UNC13C: variants seen among roughly 807,000 people sequenced by gnomAD.
UNC13C encodes the protein protein unc-13 homolog C.
A neutral mutation model predicts 245.4 loss-of-function variants in UNC13C; 174 were observed. The observed-to-expected ratio is 0.71, with a 90% confidence interval of 0.63 to 0.80. The LOEUF (loss-of-function observed/expected upper bound fraction) is 0.80, where lower values mean the gene tolerates loss of function less well. Ranked by LOEUF, UNC13C falls within the 30% of genes least tolerant of loss-of-function variation. The pLI, the probability that UNC13C is intolerant of heterozygous loss-of-function variation, is 0.00. For missense variants in UNC13C, 2,829 were observed against 2,602.9 expected (o/e 1.09, Z -1.89); for synonymous variants, 992 against 895.1 (o/e 1.11, Z -1.93).
At chr15:54,320,161 G>A (rs1004179546) in intron 13 of UNC13C, among the ~76,000 whole-genome samples, 3 of 151,956 alleles carry the variant, frequency 2.0e-5, no homozygotes, top group African/African-American at 7.2e-5. Context: ...ATTGAGAGGA[G>A]GGTGTCTTGC....
chr15:54,194,092 A>G (rs1311557534), intron 4 of UNC13C, among the ~76,000 whole-genome samples: 1 of 152,134 alleles, frequency 6.6e-6, no homozygotes, highest in Non-Finnish European at 1.5e-5. Context: ...TTCATACAGG[A>G]TGTGGACCTC....
chr15:53,898,177 A>G, the UNC13C span, among the ~76,000 whole-genome samples: 1 of 147,018 alleles, frequency 6.8e-6, no homozygotes, highest in Non-Finnish European at 1.5e-5. Flanking sequence ...CCTTTTATAC[A>G]GAGATAATGA....
chr15:54,092,781 T>A (rs745618813), intron 2 of UNC13C, among the ~76,000 whole-genome samples: 1 of 152,338 alleles, frequency 6.6e-6, no homozygotes, highest in Non-Finnish European at 1.5e-5. Flanking sequence ...ATAGGGAGAA[T>A]AATTCCCTAT....
chr15:54,160,742 CAT>C (rs1281585548), intron 4 of UNC13C, among the ~76,000 whole-genome samples: 4 of 152,072 alleles, frequency 2.6e-5, no homozygotes, highest in African/African-American at 7.2e-5. Flanking sequence ...AATGAATTGA[CAT>C]GTGAACATTT....
At chr15:54,601,215 A>C (rs1001464888) in intron 30 of UNC13C, among the ~76,000 whole-genome samples, 1 of 152,218 alleles carries the variant, frequency 6.6e-6, no homozygotes, top group African/African-American at 2.4e-5. Flanking sequence ...CTAAATAAGC[A>C]ACAAACATGT....
chr15:54,043,262 G>A (rs921862602), intron 2 of UNC13C, among the ~76,000 whole-genome samples: 1 of 152,172 alleles, frequency 6.6e-6, no homozygotes, highest in Non-Finnish European at 1.5e-5. Flanking sequence ...TTCATCAGGA[G>A]ATCACTATGC....
rs138507655 is a variant in UNC13C at position 54,245,210 on chromosome 15, T to C, written c.3229-5015T>C. Reference sequence around the variant, plus strand: ...CACTCTCATCACTTGTATACATTTTTATTGAAAGTTTGAATTGGGAAAAAA... The same window carrying C: ...CACTCTCATCACTTGTATACATTTTCATTGAAAGTTTGAATTGGGAAAAAA... On this transcript the variant is annotated intron_variant, in intron 7 of 32. Coordinates refer to ENST00000260323, the MANE Select transcript of UNC13C (RefSeq NM_001080534.3). 4.8e-3 allele frequency among the ~76,000 whole-genome samples: 725 copies of C among 152,322 alleles called. 1 individual carries two copies. The highest frequency in any genetic ancestry group is 7.3e-3 in the Non-Finnish European group (498 of 68,016).
At position 54,266,813 on chromosome 15, in the gene UNC13C, C is replaced by T. The variant is rs926774054; in HGVS notation, c.3818+1317C>T. 3.9e-5 allele frequency among the ~76,000 whole-genome samples: 6 copies of T among 152,084 alleles called. No individual in the cohort carries two copies. The East Asian group carries it at 7.7e-4, about 20-fold the overall frequency. On this transcript the variant is annotated intron_variant, in intron 10 of 32. Transcript: ENST00000260323. ...TGGAAAGTCATCCCTTCTGACTTCC[C>T]GTGTGCAAAGGCAGTCTCTGGTTTG...
chr15:54,373,601 TG>T (rs2039541596), intron 17 of UNC13C, among the ~76,000 whole-genome samples: 1 of 152,150 alleles, frequency 6.6e-6, no homozygotes, highest in South Asian at 2.1e-4. Context: ...GGGAACATGG[TG>T]GTGCCTGGAA....
Position 54,015,608 on chromosome 15 carries a change from T to C in UNC13C, c.2705T>C (p.Met902Thr), listed in dbSNP as rs766528314. The C allele has an allele frequency of 6.2e-7, 1 of 1,613,740 alleles. No individual in the cohort carries two copies. Among genetic ancestry groups the C allele is most frequent in the Non-Finnish European group, 8.5e-7 (1 of 1,179,770 alleles). ...AGTATTACTGAAACAGATGAACAAA[T>C]GCAAGCATATGATCACCTTTCATAT... ...RTSITETDEQMQAYDHLSYET... is the reference protein window; with the variant it reads ...RTSITETDEQTQAYDHLSYET... The change falls in exon 2 of 33, where the codon ATG becomes ACG. Residue 902 changes from methionine to threonine, a missense_variant. Met to Thr is a moderately conservative substitution (Grantham distance 81, BLOSUM62 -1). Coordinates refer to ENST00000260323, the MANE Select transcript of UNC13C (RefSeq NM_001080534.3).
At chr15:54,028,606 C>A (rs1009370136) in intron 2 of UNC13C, among the ~76,000 whole-genome samples, 1 of 151,754 alleles carries the variant, frequency 6.6e-6, no homozygotes, top group Non-Finnish European at 1.5e-5. Context: ...GCATTTTTCC[C>A]AGTGCCCGCC....
rs184737872 is a variant in UNC13C, at chr15:54,136,379, G to A, written c.2984-6639G>A. Among the ~76,000 whole-genome samples the A allele has an allele frequency of 2.6e-3, 401 of 151,944 alleles. 4 individuals carry two copies. Among genetic ancestry groups the A allele is most frequent in the Non-Finnish European group, 4.0e-4 (27 of 67,960 alleles). On this transcript the variant is annotated intron_variant, in intron 2 of 32. Transcript: ENST00000260323. ...GTTTTAATATTTTTTCAGATAGTTTGTTATATTAGTGTATAGTTTTTTTAT... is the reference window on the plus strand; with the variant it reads ...GTTTTAATATTTTTTCAGATAGTTTATTATATTAGTGTATAGTTTTTTTAT...
chr15:54,048,870 G>T, intron 2 of UNC13C: 1 of 252,690 alleles, frequency 4.0e-6, no homozygotes, highest in Non-Finnish European at 7.9e-6. Flanking sequence ...TTCACGTAAT[G>T]TTTTAGGCAA....
intron 10 of UNC13C, among the ~76,000 whole-genome samples, chr15:54,273,983 T>C (rs2036761787): frequency 6.6e-6 from 1 of 152,162 alleles, no homozygotes; most frequent in South Asian, 2.1e-4. Flanking sequence ...AGATAAATAA[T>C]TCGTTGAACA....
chr15:54,374,695 G>C (rs917171490), intron 17 of UNC13C, among the ~76,000 whole-genome samples: 3 of 152,224 alleles, frequency 2.0e-5, no homozygotes, highest in African/African-American at 7.2e-5. Context: ...ACCCAGAGGG[G>C]CAGGATTTCC....
chr15:54,613,636 C>T (rs977796973), intron 30 of UNC13C, among the ~76,000 whole-genome samples: 5 of 151,922 alleles, frequency 3.3e-5, no homozygotes, highest in Non-Finnish European at 5.9e-5. Flanking sequence ...GAGGAGAACT[C>T]ATGGGGCCTT....
At chr15:54,087,734 G>A (rs1035703760) in intron 2 of UNC13C, among the ~76,000 whole-genome samples, 7 of 152,114 alleles carry the variant, frequency 4.6e-5, no homozygotes, top group Admixed American at 4.6e-4. Context: ...GATTGTTACT[G>A]ATTAGCTCTT....
At chr15:54,412,354 A>G (rs1431294051) in intron 18 of UNC13C, among the ~76,000 whole-genome samples, 1 of 152,200 alleles carries the variant, frequency 6.6e-6, no homozygotes, top group Non-Finnish European at 1.5e-5. Flanking sequence ...TTCACAAGGC[A>G]GGAGGAGAGA....
intron 4 of UNC13C, among the ~76,000 whole-genome samples, chr15:54,168,231 CTTT>C (rs985056400): frequency 6.9e-6 from 1 of 145,416 alleles, no homozygotes; most frequent in Non-Finnish European, 1.5e-5. Context: ...CCCATGTTGT[CTTT>C]AAAAAGTTGC....
Sources: allele counts gnomAD v4.1 joint callset (sites outside exome capture counted in the v4.1 genomes callset), GRCh38; gene constraint gnomAD v4.1.1; transcripts MANE v1.5; gene names NCBI Gene and HGNC (gene_info 2026-07-23, HGNC 2026-07-21).